The following OSBP2 variants were observed in gnomAD, a reference collection of about 807,000 sequenced individuals.
OSBP2 encodes oxysterol-binding protein 2.
Under a neutral mutation model 96.0 loss-of-function variants are expected in OSBP2, and 66 were observed. That is an observed-to-expected ratio of 0.69 (90% CI 0.56 to 0.84). The LOEUF (loss-of-function observed/expected upper bound fraction) is 0.84, where lower values mean the gene tolerates loss of function less well. OSBP2 is among the 40% of genes least tolerant of loss of function. The pLI is 0.00. For missense variants in OSBP2, 1,038 were observed against 1,222.7 expected (o/e 0.85, Z 2.25); for synonymous variants, 525 against 520.9 (o/e 1.01, Z -0.11).
rs150015182 is a variant in OSBP2, at chr22:30,704,685, C to T, written c.644+9132C>T. 2.6e-3 allele frequency among the ~76,000 whole-genome samples: 401 copies of T among 152,136 alleles called. 2 individuals are homozygous for T. The highest frequency in any genetic ancestry group is 9.0e-3 in the African/African-American group (375 of 41,512). On this transcript the variant is annotated intron_variant, in intron 1 of 13. Transcript: ENST00000332585. Reference sequence around the variant, plus strand: ...TTCACCATGTTGGCCAGGCTGGTCTCGAACTCCTGACCTCAGGTGATCTCA... The same window carrying T: ...TTCACCATGTTGGCCAGGCTGGTCTTGAACTCCTGACCTCAGGTGATCTCA...
intron 2 of OSBP2, among the ~76,000 whole-genome samples, chr22:30,856,964 G>A (rs1204238340): frequency 6.6e-6 from 1 of 152,148 alleles, no homozygotes; most frequent in Non-Finnish European, 1.5e-5. Flanking sequence ...GAAAGGGACT[G>A]GCTTAAGTCC....
chr22:30,742,919 C>T (rs2089958461), intron 2 of OSBP2, among the ~76,000 whole-genome samples: 1 of 152,242 alleles, frequency 6.6e-6, no homozygotes, highest in South Asian at 2.1e-4. Context: ...TGTCAAACTG[C>T]CTTCCACAGG....
Position 30,695,126 on chromosome 22 carries a change from G to T in OSBP2, c.217G>T (p.Val73Phe), listed in dbSNP as rs1193541011. Residue 73 changes from valine (V) to phenylalanine (F), a missense_variant, in exon 1 of 14, where the codon GTT (valine) becomes TTT (phenylalanine). By Grantham distance (50) the Val-to-Phe change is conservative (BLOSUM62 -1). This residue lies in a region of OSBP2 where 281 missense variants were observed against 273.4 expected (regional missense o/e 1.03). Coordinates refer to ENST00000332585, the MANE Select transcript of OSBP2 (RefSeq NM_030758.4). Reference sequence around the variant, plus strand: ...GCTGTCAGAACAGGTGTCGGAGGCAGTTTCGGAGGCAGTGCCAAGATCGGA... The same window carrying T: ...GCTGTCAGAACAGGTGTCGGAGGCATTTTCGGAGGCAGTGCCAAGATCGGA... ...GPLSEQVSEA[V>F]SEAVPRSEPV... 6.3e-7 allele frequency: 1 copy of T among 1,598,896 alleles called. No homozygotes were observed.
rs552962356 is a variant in OSBP2, at chr22:30,893,133, C to T, written c.1881C>T (p.His627=). The change falls in exon 9 of 14, where the codon CAC becomes CAT. Residue 627 remains histidine, a synonymous_variant. Coordinates refer to ENST00000332585, the MANE Select transcript of OSBP2 (RefSeq NM_030758.4). ...LRSLCEQVSH[H]PPSAAHYVFS... ...GGGTCTGGTCTCAGGTGAGCCACCACCCCCCCTCAGCTGCGCACTACGTGT... is the reference window on the plus strand; with the variant it reads ...GGGTCTGGTCTCAGGTGAGCCACCATCCCCCCTCAGCTGCGCACTACGTGT... 9 of 1,612,642 alleles carry T rather than the reference C, an allele frequency of 5.6e-6. No homozygotes were observed. Among genetic ancestry groups the T allele is most frequent in the Admixed American group, 1.7e-5 (1 of 59,986 alleles).
intron 7 of OSBP2, 129 bp downstream of exon 7, chr22:30,889,765 A>G (rs1279347774): frequency 2.5e-6 from 2 of 794,694 alleles, no homozygotes; most frequent in Non-Finnish European, 4.2e-6. Context: ...GCACCTGAGG[A>G]GCATGTAACT....
At chr22:30,902,131 A>AC (rs878931207) in intron 12 of OSBP2, 8 of 98,922 alleles carry the variant, frequency 8.1e-5, no homozygotes, top group African/African-American at 1.9e-4. Context: ...AAAACGAAAA[A>AC]AAAAAAACCA....
At chr22:30,816,799 T>C (rs2091089435) in intron 2 of OSBP2, among the ~76,000 whole-genome samples, 1 of 151,718 alleles carries the variant, frequency 6.6e-6, no homozygotes, top group South Asian at 2.1e-4. Flanking sequence ...TGCAGTGGTG[T>C]GATCTCGGCT....
chr22:30,839,992 T>C (rs1159339049), intron 2 of OSBP2, among the ~76,000 whole-genome samples: 1 of 151,946 alleles, frequency 6.6e-6, no homozygotes, highest in Non-Finnish European at 1.5e-5. Flanking sequence ...CGTTTAAGTC[T>C]TTTAAGCCAT....
intron 2 of OSBP2, among the ~76,000 whole-genome samples, chr22:30,851,424 A>G (rs2038976247): frequency 6.6e-6 from 1 of 152,140 alleles, no homozygotes. Context: ...AATGATTGTT[A>G]TATATTGACC....
At chr22:30,824,381 CT>C (rs1385672909) in intron 2 of OSBP2, among the ~76,000 whole-genome samples, 5 of 152,154 alleles carry the variant, frequency 3.3e-5, no homozygotes, top group Admixed American at 2.0e-4. Flanking sequence ...CAGAACTCAG[CT>C]ACCATGTCGG....
intron 1 of OSBP2, among the ~76,000 whole-genome samples, chr22:30,730,065 C>T (rs1448422029): frequency 3.9e-5 from 6 of 151,934 alleles, no homozygotes; most frequent in African/African-American, 1.2e-4. Flanking sequence ...CAGGTTCAAG[C>T]GATTCTCGTG....
At chr22:30,709,886 T>C (rs894562378) in intron 1 of OSBP2, among the ~76,000 whole-genome samples, 2 of 143,154 alleles carry the variant, frequency 1.4e-5, no homozygotes, top group African/African-American at 5.1e-5. Context: ...GCAGGGATAC[T>C]TTTTTTTTTT....
At chr22:30,810,789 G>A (rs975570091) in intron 2 of OSBP2, among the ~76,000 whole-genome samples, 1 of 152,180 alleles carries the variant, frequency 6.6e-6, no homozygotes, top group South Asian at 2.1e-4. Context: ...TGGTCTGTGT[G>A]CACTGATGCG....
intron 2 of OSBP2, among the ~76,000 whole-genome samples, chr22:30,852,502 C>T (rs1465637472): frequency 6.6e-6 from 1 of 151,894 alleles, no homozygotes; most frequent in African/African-American, 2.4e-5. Context: ...TCTTTCATTT[C>T]TATCATTGAT....
At chr22:30,747,387 A>C (rs558452261) in intron 2 of OSBP2, among the ~76,000 whole-genome samples, 1 of 152,312 alleles carries the variant, frequency 6.6e-6, no homozygotes, top group South Asian at 2.1e-4. Context: ...AGGCTGAGGC[A>C]AGAGGATTGC....
chr22:30,898,122 TTAAAAA>T (rs879652702), intron 12 of OSBP2, among the ~76,000 whole-genome samples: 11 of 151,992 alleles, frequency 7.2e-5, no homozygotes, highest in Non-Finnish European at 1.2e-4. Flanking sequence ...AAAATATACT[TTAAAAA>T]TAAGAGCAAG....
chr22:30,776,426 A>G (rs1260979177), intron 2 of OSBP2, among the ~76,000 whole-genome samples: 1 of 152,136 alleles, frequency 6.6e-6, no homozygotes, highest in Non-Finnish European at 1.5e-5. Flanking sequence ...ACCTGGCCTA[A>G]TAAATATCAC....
At chr22:30,729,732 A>G (rs1030660763) in intron 1 of OSBP2, among the ~76,000 whole-genome samples, 1 of 152,010 alleles carries the variant, frequency 6.6e-6, no homozygotes, top group Non-Finnish European at 1.5e-5. Context: ...TCAGCTGGTC[A>G]TGGTGGCTAA....
At chr22:30,903,131 A>G (rs1396637851) in intron 12 of OSBP2, among the ~76,000 whole-genome samples, 1 of 152,096 alleles carries the variant, frequency 6.6e-6, no homozygotes, top group Non-Finnish European at 1.5e-5. Flanking sequence ...GCGGTACTGC[A>G]TCATTTTTCT....
Sources: allele counts gnomAD v4.1 joint callset (sites outside exome capture counted in the v4.1 genomes callset), GRCh38; gene constraint gnomAD v4.1.1; regional missense constraint gnomAD v4.1.1; transcripts MANE v1.5; gene names NCBI Gene and HGNC (gene_info 2026-07-23, HGNC 2026-07-21).